The following POLDIP3 variants were observed in gnomAD, a reference collection of about 807,000 sequenced individuals.
POLDIP3 encodes the protein polymerase delta-interacting protein 3.
Under a neutral mutation model 45.1 loss-of-function variants are expected in POLDIP3, and 14 were observed. The ratio of observed to expected loss-of-function variants is 0.31; its 90% CI spans 0.20 to 0.49. The LOEUF is 0.49. Among genes scored for constraint, POLDIP3 ranks in the 20% least tolerant of loss-of-function variants. The pLI, the probability that POLDIP3 is intolerant of heterozygous loss-of-function variation, is 0.99. For synonymous variants in POLDIP3, 223 were observed against 205.2 expected, an observed-to-expected ratio of 1.09 and a Z score of -0.74; for missense variants, 511 against 538.8, an observed-to-expected ratio of 0.95 and a Z score of 0.51.
At chr22:42,597,028 A>C (rs1027787235) in intron 4 of POLDIP3, among the ~76,000 whole-genome samples, 20 of 152,174 alleles carry the variant, frequency 1.3e-4, no homozygotes, top group South Asian at 4.1e-4. Context: ...ACTCTTAAGA[A>C]GGCCCAGAAT....
intron 7 of POLDIP3, among the ~76,000 whole-genome samples, chr22:42,591,360 T>C (rs1179548744): frequency 6.6e-6 from 1 of 152,184 alleles, no homozygotes; most frequent in African/African-American, 2.4e-5. Context: ...AGGTCTTTTA[T>C]TTGTAATTTT....
rs1460893469 is a variant in POLDIP3, at chr22:42,603,101, A to C, written c.119T>G (p.Leu40Arg). The C allele has an allele frequency of 1.2e-6, 2 of 1,614,038 alleles. No individual in the cohort carries two copies. The highest frequency in any genetic ancestry group is 1.7e-6 in the Non-Finnish European group (2 of 1,180,034). Residue 40 changes from leucine to arginine, a missense_variant, in exon 2 of 9, where the codon CTT (leucine) becomes CGT (arginine). This residue lies in a region of POLDIP3 where 378 missense variants were observed against 352.3 expected (regional missense o/e 1.07). Coordinates refer to ENST00000252115, the MANE Select transcript of POLDIP3 (RefSeq NM_032311.5). ...VRSRVGIQQGLLSQSTRTATF... is the reference protein window; with the variant it reads ...VRSRVGIQQGRLSQSTRTATF... ...GGCTGTGCGTGTTGACTGGCTGAGAAGGCCTTGCTGGATCCCAACTCGAGA... is the reference window on the plus strand; with the variant it reads ...GGCTGTGCGTGTTGACTGGCTGAGACGGCCTTGCTGGATCCCAACTCGAGA...
chr22:42,599,903 G>C (rs1926245090), intron 3 of POLDIP3, 110 bp from the exon 4 acceptor site: 1 of 758,706 alleles, frequency 1.3e-6, no homozygotes, highest in Admixed American at 2.6e-5. Context: ...AAGGGACCAA[G>C]GAGAAGTGGG....
In POLDIP3 at chr22:42,596,263, G is replaced by A; in HGVS notation, c.736C>T (p.Arg246Ter). The A allele has an allele frequency of 1.2e-6, 2 of 1,614,154 alleles. No individual in the cohort carries two copies. The highest frequency in any genetic ancestry group is 1.7e-6 in the Non-Finnish European group (2 of 1,180,002). Residue 246 changes from arginine (R) to a stop codon, truncating the protein, a stop_gained, in exon 5 of 9, where the codon CGA (arginine) becomes TGA (stop). Transcript: ENST00000252115. LOFTEE classifies it high-confidence loss of function. ...GACATGTTGGTCAAGGCTTTTGTTC[G>A]AATAGAGGAAGGGAGAGCAGGAGCT... Reference protein sequence around the residue: ...YTAPALPSSIRTKALTNMSRT... With the variant: ...YTAPALPSSI
Position 42,585,027 on chromosome 22 carries a change from G to A in POLDIP3, c.*764C>T. ...GAGAACCGGGAGGGCTCACAACACAGCCCCCTCCCAGCAAAGACACCCAGA... is the reference window on the plus strand; with the variant it reads ...GAGAACCGGGAGGGCTCACAACACAACCCCCTCCCAGCAAAGACACCCAGA... On this transcript the variant is annotated 3_prime_UTR_variant, in exon 9 of 9. Transcript: ENST00000252115. 2.2e-6 allele frequency: 1 copy of A among 455,978 alleles called. No homozygotes were observed. Among genetic ancestry groups the A allele is most frequent in the Non-Finnish European group, 4.4e-6 (1 of 226,834 alleles). The allele number at this position is 455,978 out of a possible 1,614,324, so 28.2% of individuals were successfully genotyped here.
intron 1 of POLDIP3, among the ~76,000 whole-genome samples, chr22:42,605,349 G>A (rs922678231): frequency 2.0e-5 from 3 of 152,218 alleles, no homozygotes; most frequent in African/African-American, 7.2e-5. Flanking sequence ...GGATGCTGTC[G>A]ATCTCCTGAC....
At chr22:42,596,058 G>A in intron 5 of POLDIP3, 128 bp downstream of exon 5, 1 of 1,059,562 alleles carries the variant, frequency 9.4e-7, no homozygotes. Flanking sequence ...CTAGGTCTTG[G>A]TTTGCTCATC....
Position 42,595,572 on chromosome 22 carries a change from T to C in POLDIP3, c.856A>G (p.Asn286Asp). The change falls in exon 6 of 9, where the codon AAT becomes GAT. Residue 286 changes from asparagine (N) to aspartate (D), a missense_variant. Physicochemically the swap from Asn to Asp is conservative, Grantham distance 23. Transcript: ENST00000252115. ...TCCTCAGTGACTCGAGGGTGCAGAT[T>C]ATTCACAGTCATCTTGGTGCCTTCC... The part of the protein sequence containing the change: ...PLEGTKMTVN[N>D]LHPRVTEEDI... The C allele has an allele frequency of 1.2e-6, 2 of 1,614,110 alleles. No individual in the cohort carries two copies. The highest frequency in any genetic ancestry group is 1.7e-6 in the Non-Finnish European group (2 of 1,179,990).
intron 1 of POLDIP3, among the ~76,000 whole-genome samples, chr22:42,607,547 G>A (rs1351619701): frequency 2.0e-5 from 3 of 152,150 alleles, no homozygotes; most frequent in Admixed American, 6.5e-5. Flanking sequence ...GGGAAGTGAG[G>A]AGCGTCTCTG....
intron 6 of POLDIP3, among the ~76,000 whole-genome samples, chr22:42,592,465 TTACAAA>T (rs1157808559): frequency 2.6e-5 from 4 of 152,220 alleles, no homozygotes; most frequent in African/African-American, 9.7e-5. Flanking sequence ...TGAGAATCTG[TTACAAA>T]TACAAATTCT....
Position 42,585,884 on chromosome 22 carries a change from G to A in POLDIP3, c.1173C>T (p.Ala391=), listed in dbSNP as rs137088. 0.14 allele frequency: 222,754 copies of A among 1,613,060 alleles called. 17,825 individuals carry two copies. The highest frequency in any genetic ancestry group is 0.33 in the African/African-American group (24,710 of 74,896). The change falls in exon 9 of 9, where the codon GCC becomes GCT. Residue 391 remains alanine (A), a synonymous_variant. Coordinates refer to ENST00000252115, the MANE Select transcript of POLDIP3 (RefSeq NM_032311.5). The part of the protein sequence containing the change: ...VNSASSSNPP[A]EVDPDTILKA... ...TCAGGATGGTGTCAGGGTCCACTTC[G>A]GCAGGGGGGTTGGAGGAGGAGGCAG...
intron 1 of POLDIP3, among the ~76,000 whole-genome samples, chr22:42,612,450 C>A (rs1452273969): frequency 6.6e-6 from 1 of 152,156 alleles, no homozygotes; most frequent in Non-Finnish European, 1.5e-5. Flanking sequence ...GCTCCAGGGG[C>A]GTTGTGTGCT....
intron 6 of POLDIP3, 79 bp downstream of exon 6, chr22:42,595,458 A>T: frequency 7.6e-7 from 1 of 1,322,778 alleles, no homozygotes; most frequent in Non-Finnish European, 1.1e-6. Context: ...GCAGTCATCA[A>T]ACCTGAGGGT....
chr22:42,607,820 A>C (rs1419208968), intron 1 of POLDIP3, among the ~76,000 whole-genome samples: 1 of 140,880 alleles, frequency 7.1e-6, no homozygotes, highest in African/African-American at 2.7e-5. Context: ...GGAGGTGAGG[A>C]GCTTCTCTGC....
At chr22:42,609,403 C>G (rs1055187653) in intron 1 of POLDIP3, among the ~76,000 whole-genome samples, 1 of 152,200 alleles carries the variant, frequency 6.6e-6, no homozygotes, top group Non-Finnish European at 1.5e-5. Context: ...AGAAGGCAAA[C>G]GTTCCCTGGA....
At chr22:42,589,624 A>C (rs1925543868) in intron 7 of POLDIP3, among the ~76,000 whole-genome samples, 1 of 152,172 alleles carries the variant, frequency 6.6e-6, no homozygotes, top group African/African-American at 2.4e-5. Context: ...AGCCTGGCCA[A>C]CATGAGGTCA....
intron 7 of POLDIP3, 82 bp from the exon 8 acceptor site, chr22:42,587,654 TC>T: frequency 7.5e-7 from 1 of 1,340,024 alleles, no homozygotes; most frequent in Non-Finnish European, 1.1e-6. Flanking sequence ...ACCTCCATTA[TC>T]AATGGTCAAA....
Position 42,614,883 on chromosome 22 carries a change from C to G in POLDIP3, c.-26G>C. On this transcript the variant is annotated 5_prime_UTR_variant, in exon 1 of 9. Transcript: ENST00000252115. ...CTTGCTCCGCCGAGCAAGCCGAAAG[C>G]AGTCGAGACCCCGCGAGCCCGCCCC... 1 of 1,613,598 alleles carries G rather than the reference C, an allele frequency of 6.2e-7. No homozygotes were observed. Among genetic ancestry groups the G allele is most frequent in the Non-Finnish European group, 8.5e-7 (1 of 1,179,698 alleles).
intron 3 of POLDIP3, 53 bp from the exon 4 acceptor site, chr22:42,599,846 C>A: frequency 7.5e-7 from 1 of 1,333,664 alleles, no homozygotes; most frequent in Admixed American, 1.8e-5. Flanking sequence ...GGGCCCTCAA[C>A]AGACATCTAG....
Sources: allele counts gnomAD v4.1 joint callset (sites outside exome capture counted in the v4.1 genomes callset), GRCh38; gene constraint gnomAD v4.1.1; regional missense constraint gnomAD v4.1.1; transcripts MANE v1.5; gene names NCBI Gene and HGNC (gene_info 2026-07-23, HGNC 2026-07-21).